The following IQCM variants were observed in gnomAD, a reference collection of about 807,000 sequenced individuals.
IQCM encodes IQ motif containing M, also known as IQ domain-containing protein M.
IQCM carries 45 observed loss-of-function variants against 57.6 expected under a neutral mutation model. The ratio of observed to expected loss-of-function variants is 0.78; its 90% confidence interval spans 0.62 to 1.00. IQCM has a LOEUF of 1.00. Ranked by LOEUF, IQCM falls within the 50% of genes least tolerant of loss-of-function variation. The pLI is 0.00. For missense variants in IQCM, 468 were observed against 511.6 expected, an observed-to-expected ratio of 0.91 and a Z score of 0.82; for synonymous variants, 148 against 158.9, an observed-to-expected ratio of 0.93 and a Z score of 0.51.
intron 12 of IQCM, among the ~76,000 whole-genome samples, chr4:149,523,723 GAT>G (rs1745887608): frequency 6.6e-6 from 1 of 152,112 alleles, no homozygotes; most frequent in Non-Finnish European, 1.5e-5. Context: ...TTGACTGACT[GAT>G]AGATTTATAT....
chr4:149,432,032 G>A (rs1435773355), intron 13 of IQCM, among the ~76,000 whole-genome samples: 8 of 150,890 alleles, frequency 5.3e-5, no homozygotes, highest in Non-Finnish European at 4.4e-5. Context: ...GTATATATAT[G>A]CTTTGTGTAA....
At chr4:149,585,359 C>A (rs1407101015) in intron 9 of IQCM, among the ~76,000 whole-genome samples, 1 of 151,534 alleles carries the variant, frequency 6.6e-6, no homozygotes. Context: ...GCTATAAATC[C>A]AACATGTGGA....
At chr4:149,793,912 C>T (rs759242306) in intron 2 of IQCM, among the ~76,000 whole-genome samples, 2 of 152,218 alleles carry the variant, frequency 1.3e-5, no homozygotes, top group Non-Finnish European at 2.9e-5. Flanking sequence ...CCTCCTAAAT[C>T]ACACTAAAAT....
intron 8 of IQCM, among the ~76,000 whole-genome samples, chr4:149,599,649 G>A: frequency 6.6e-6 from 1 of 151,986 alleles, no homozygotes; most frequent in East Asian, 1.9e-4. Flanking sequence ...CTTAAATTGA[G>A]CATATCACCC....
chr4:149,810,111 A>G (rs1580353740), intron 2 of IQCM, among the ~76,000 whole-genome samples: 1 of 151,998 alleles, frequency 6.6e-6, no homozygotes, highest in Non-Finnish European at 1.5e-5. Flanking sequence ...CGGGCTGGAC[A>G]TGGTGGCTCA....
At chr4:149,812,513 C>G (rs909716616) in intron 2 of IQCM, among the ~76,000 whole-genome samples, 2 of 149,992 alleles carry the variant, frequency 1.3e-5, no homozygotes, top group Admixed American at 6.6e-5. Flanking sequence ...GACACACACA[C>G]ACACACACAC....
chr4:149,606,492 G>T (rs1351588649), intron 8 of IQCM, among the ~76,000 whole-genome samples: 1 of 152,010 alleles, frequency 6.6e-6, no homozygotes, highest in South Asian at 2.1e-4. Context: ...ATTCGTCAAT[G>T]CACAGACATC....
intron 12 of IQCM, among the ~76,000 whole-genome samples, chr4:149,477,462 A>G (rs1019536746): frequency 1.6e-4 from 24 of 152,110 alleles, no homozygotes; most frequent in Admixed American, 5.2e-4. Context: ...GAATATTTAG[A>G]GTATTTACTC....
At chr4:149,644,324 C>A (rs1055946237) in intron 7 of IQCM, among the ~76,000 whole-genome samples, 1 of 152,166 alleles carries the variant, frequency 6.6e-6, no homozygotes, top group Non-Finnish European at 1.5e-5. Context: ...CAAGAGCTAA[C>A]GACTTTCCTA....
chr4:149,621,048 A>C, intron 8 of IQCM, 81 bp downstream of exon 8: 5 of 572,672 alleles, frequency 8.7e-6, no homozygotes, highest in East Asian at 3.5e-5. Context: ...GTAAAATCTC[A>C]AGTGCTTTCA....
intron 7 of IQCM, among the ~76,000 whole-genome samples, chr4:149,646,325 G>A (rs1362063079): frequency 6.6e-6 from 1 of 151,868 alleles, no homozygotes; most frequent in Non-Finnish European, 1.5e-5. Context: ...TCTGAAATAT[G>A]AGATTAGAGT....
At chr4:149,543,634 A>C (rs1407726347) in intron 12 of IQCM, among the ~76,000 whole-genome samples, 2 of 151,574 alleles carry the variant, frequency 1.3e-5, no homozygotes, top group Non-Finnish European at 2.9e-5. Context: ...CTAATGCTAG[A>C]TGACAAGTTA....
intron 12 of IQCM, among the ~76,000 whole-genome samples, chr4:149,478,861 T>C (rs1740484012): frequency 6.6e-6 from 1 of 152,170 alleles, no homozygotes; most frequent in Non-Finnish European, 1.5e-5. Flanking sequence ...ATTTCATTCA[T>C]ATGTATAGGT....
At chr4:149,390,837 T>C (rs559203975) in intron 13 of IQCM, among the ~76,000 whole-genome samples, 29 of 152,096 alleles carry the variant, frequency 1.9e-4, no homozygotes, top group African/African-American at 6.3e-4. Context: ...TGAGGATTTT[T>C]TGCTTCTATA....
At chr4:149,721,014 T>TA (rs1765400404) in intron 5 of IQCM, among the ~76,000 whole-genome samples, 1 of 152,170 alleles carries the variant, frequency 6.6e-6, no homozygotes. Context: ...TAGGAATGAG[T>TA]AAAAACATTT....
intron 8 of IQCM, among the ~76,000 whole-genome samples, chr4:149,595,827 C>T (rs1378020326): frequency 6.6e-6 from 1 of 152,110 alleles, no homozygotes; most frequent in African/African-American, 2.4e-5. Flanking sequence ...AAAATCTTCT[C>T]ATGGAGCCAG....
At chr4:149,649,971 C>T (rs1465014264) in intron 7 of IQCM, among the ~76,000 whole-genome samples, 1 of 152,052 alleles carries the variant, frequency 6.6e-6, no homozygotes, top group East Asian at 1.9e-4. Flanking sequence ...TTTCACAAGC[C>T]TTGCTTATCT....
intron 12 of IQCM, among the ~76,000 whole-genome samples, chr4:149,505,181 G>A (rs1202725687): frequency 6.6e-6 from 1 of 152,070 alleles, no homozygotes; most frequent in Non-Finnish European, 1.5e-5. Context: ...GGGAAAAAGG[G>A]GGACAGCGGG....
intron 12 of IQCM, among the ~76,000 whole-genome samples, chr4:149,447,083 AC>A: frequency 6.6e-6 from 1 of 151,706 alleles, no homozygotes; most frequent in African/African-American, 2.4e-5. Flanking sequence ...ATGAACAAAA[AC>A]AAAAGAATTA....
Sources: allele counts gnomAD v4.1 joint callset (sites outside exome capture counted in the v4.1 genomes callset), GRCh38; gene constraint gnomAD v4.1.1; transcripts MANE v1.5; gene names NCBI Gene and HGNC (gene_info 2026-07-23, HGNC 2026-07-21).